Variants in ANKMY2 observed in about 807,000 individuals in gnomAD.
ANKMY2 encodes the protein ankyrin repeat and MYND domain containing 2.
A neutral mutation model predicts 50.4 loss-of-function variants in ANKMY2; 36 were observed. The ratio of observed to expected loss-of-function variants is 0.71; its 90% CI spans 0.55 to 0.94. The LOEUF (loss-of-function observed/expected upper bound fraction) is 0.94. Ranked by LOEUF, ANKMY2 falls within the 40% of genes least tolerant of loss-of-function variation. ANKMY2 has a pLI of 0.00. For missense variants in ANKMY2, 565 were observed against 524.0 expected (o/e 1.08, Z -0.76); for synonymous variants, 187 against 178.8 (o/e 1.05, Z -0.36).
At chr7:16,612,086 AACAAATGTAACAGGGAC>A (rs955162295) in intron 5 of ANKMY2, among the ~76,000 whole-genome samples, 1 of 152,224 alleles carries the variant, frequency 6.6e-6, no homozygotes, top group African/African-American at 2.4e-5. Context: ...CAAAGACCAC[AACAAATGTAACAGGGAC>A]ACAACTGTAT....
Position 16,644,031 on chromosome 7 carries a change from C to CGA in ANKMY2, c.67+1474_67+1475dup, listed in dbSNP as rs369813098. On this transcript the variant is annotated intron_variant, in intron 1 of 9. Transcript: ENST00000306999. ...GAGAGAGAGAAAGAGACAGCGAGAG[C>CGA]GAGAGAGAGAGAGGACATGTACTAG... Among the ~76,000 whole-genome samples, 621 of 151,562 alleles carry CGA rather than the reference C, an allele frequency of 4.1e-3. 8 individuals are homozygous for CGA. The highest frequency in any genetic ancestry group is 0.028 in the Admixed American group (431 of 15,226).
chr7:16,610,788 G>A, intron 5 of ANKMY2, 25 bp from the exon 6 acceptor site: 2 of 1,598,408 alleles, frequency 1.3e-6, no homozygotes, highest in South Asian at 1.1e-5. Flanking sequence ...AGTGTACTCA[G>A]GTATTAAAGG....
chr7:16,608,869 C>T (rs1048429330), intron 7 of ANKMY2, among the ~76,000 whole-genome samples: 3 of 152,090 alleles, frequency 2.0e-5, no homozygotes, highest in Non-Finnish European at 2.9e-5. Flanking sequence ...GGCGTGGTGG[C>T]GCGCACCTAT....
intron 3 of ANKMY2, among the ~76,000 whole-genome samples, chr7:16,625,780 G>T (rs1307867378): frequency 6.6e-6 from 1 of 152,138 alleles, no homozygotes; most frequent in Non-Finnish European, 1.5e-5. Flanking sequence ...ATAGTGTAAA[G>T]AAGTTCCTGA....
At chr7:16,637,090 T>C (rs1781673172) in intron 1 of ANKMY2, among the ~76,000 whole-genome samples, 1 of 152,224 alleles carries the variant, frequency 6.6e-6, no homozygotes, top group South Asian at 2.1e-4. Context: ...TTTCCAGTCT[T>C]CTATAAGGCA....
intron 1 of ANKMY2, chr7:16,644,959 G>T (rs1419050405): frequency 3.0e-6 from 1 of 335,350 alleles, no homozygotes; most frequent in African/African-American, 2.2e-5. Flanking sequence ...GGAAGCCAGG[G>T]AGGCCCTGGA....
chr7:16,630,104 G>T (rs185387581), intron 2 of ANKMY2, among the ~76,000 whole-genome samples: 1 of 152,218 alleles, frequency 6.6e-6, no homozygotes, highest in Admixed American at 6.5e-5. Context: ...TATTACAGTT[G>T]TAAAGATGAA....
At position 16,645,737 on chromosome 7, in the gene ANKMY2, C is replaced by G; in HGVS notation, c.-164G>C. On this transcript the variant is annotated 5_prime_UTR_variant, in exon 1 of 10. Transcript: ENST00000306999. The stretch of plus-strand genomic sequence containing the variant: ...TTCTCTCCTCCCTCCCGCGGGCTGG[C>G]GGACAGCGGGCGAGCTCGGGCGAGC... 1 of 777,920 alleles carries G rather than the reference C, an allele frequency of 1.3e-6. No individual in the cohort carries two copies. The highest frequency in any genetic ancestry group is 1.9e-6 in the Non-Finnish European group (1 of 532,298). 48.2% of individuals were successfully genotyped at this position (777,920 alleles called of 1,614,324 possible). A position where few individuals can be genotyped will look rare whatever the true frequency, so the allele number is the denominator to read the frequency against.
chr7:16,624,267 T>A (rs2128344412), intron 4 of ANKMY2, among the ~76,000 whole-genome samples: 1 of 152,284 alleles, frequency 6.6e-6, no homozygotes, highest in East Asian at 1.9e-4. Flanking sequence ...TGCTCTTTGC[T>A]TTTCTCTCAG....
chr7:16,612,087 A>G (rs906246942), intron 5 of ANKMY2, among the ~76,000 whole-genome samples: 6 of 152,238 alleles, frequency 3.9e-5, no homozygotes, highest in African/African-American at 1.4e-4. Context: ...AAAGACCACA[A>G]CAAATGTAAC....
chr7:16,616,341 T>C (rs1034311575), intron 4 of ANKMY2, among the ~76,000 whole-genome samples: 1 of 152,184 alleles, frequency 6.6e-6, no homozygotes, highest in Non-Finnish European at 1.5e-5. Context: ...ATAATGATAA[T>C]ATTAAACTAA....
chr7:16,608,509 C>G (rs918098647), intron 7 of ANKMY2, among the ~76,000 whole-genome samples: 2 of 151,996 alleles, frequency 1.3e-5, no homozygotes, highest in Non-Finnish European at 2.9e-5. Flanking sequence ...CCCTGATGTT[C>G]CACACTGAGA....
chr7:16,600,983 T>C, intron 9 of ANKMY2, 38 bp from the exon 10 acceptor site: 1 of 1,511,394 alleles, frequency 6.6e-7, no homozygotes, highest in Non-Finnish European at 9.0e-7. Flanking sequence ...GTTCCTACCA[T>C]GTGTCAGACA....
chr7:16,610,458 G>A, intron 6 of ANKMY2, 91 bp downstream of exon 6: 1 of 1,088,420 alleles, frequency 9.2e-7, no homozygotes, highest in South Asian at 1.6e-5. Context: ...CTGCCAAAAT[G>A]TTTAATTTTG....
At chr7:16,628,300 C>T (rs191907086) in intron 2 of ANKMY2, among the ~76,000 whole-genome samples, 1 of 152,248 alleles carries the variant, frequency 6.6e-6, no homozygotes, top group African/African-American at 2.4e-5. Flanking sequence ...TGAACGTAAG[C>T]CATCATCTTG....
At chr7:16,638,455 G>A (rs1781699616) in intron 1 of ANKMY2, among the ~76,000 whole-genome samples, 1 of 152,162 alleles carries the variant, frequency 6.6e-6, no homozygotes, top group African/African-American at 2.4e-5. Context: ...AGATGGAAGA[G>A]GGGCAAAGAG....
chr7:16,620,204 G>A (rs764092477), intron 4 of ANKMY2, among the ~76,000 whole-genome samples: 4 of 152,196 alleles, frequency 2.6e-5, no homozygotes, highest in Admixed American at 6.5e-5. Flanking sequence ...AAGGGGAGGA[G>A]AGAGAGGACA....
At chr7:16,614,667 C>T (rs1471922120) in intron 5 of ANKMY2, among the ~76,000 whole-genome samples, 1 of 152,138 alleles carries the variant, frequency 6.6e-6, no homozygotes, top group African/African-American at 2.4e-5. Flanking sequence ...AAGAACTGTC[C>T]ACTCATTTTC....
chr7:16,620,591 TACAC>T (rs58418780), intron 4 of ANKMY2, among the ~76,000 whole-genome samples: 2,646 of 145,500 alleles, frequency 0.018, 32 homozygotes, highest in African/African-American at 0.032. Context: ...AATACATGTG[TACAC>T]ACACACACAC....
Sources: gnomAD v4.1 joint callset for allele counts (sites outside exome capture counted in the v4.1 genomes callset) on GRCh38, gnomAD v4.1.1 for gene constraint, MANE v1.5 for transcripts, NCBI Gene and HGNC (gene_info 2026-07-23, HGNC 2026-07-21) for gene names.